DMD: variants seen among roughly 807,000 people sequenced by gnomAD.
DMD encodes the protein mutant dystrophin.
A neutral mutation model predicts 330.1 loss-of-function variants in DMD; 63 were observed. That is an observed-to-expected ratio of 0.19 (90% confidence interval 0.16 to 0.24). DMD has a LOEUF of 0.24. Among genes scored for constraint, DMD ranks in the 10% least tolerant of loss-of-function variants. The pLI, the probability that DMD is intolerant of heterozygous loss-of-function variation, is 1.00. For missense variants in DMD, 3,344 were observed against 2,684.1 expected (o/e 1.25, Z -5.43); for synonymous variants, 1,223 against 959.8 (o/e 1.27, Z -5.07).
In DMD at chrX:31,602,566, A is replaced by G. The variant is rs530379929; in HGVS notation, c.8217+25107T>C. Among the ~76,000 whole-genome samples the G allele has an allele frequency of 2.1e-3, 228 of 111,191 alleles. 10 individuals carry two copies. The South Asian group carries it at 0.085, about 42-fold the overall frequency. ...TGACTGTCACATGGAAGAGCTACCA[A>G]GCAGATAATAAGTTTAGAACTCTTA... On this transcript the variant is annotated intron_variant, in intron 55 of 78. Coordinates refer to ENST00000357033, the MANE Select transcript of DMD (RefSeq NM_004006.3).
At chrX:32,809,456 C>T (rs747811946) in intron 7 of DMD, 37 bp downstream of exon 7, 1 of 1,079,316 alleles carries the variant, frequency 9.3e-7, no homozygotes, top group South Asian at 1.8e-5. Context: ...TAAACTCTAC[C>T]ATACTAAAAG....
At chrX:32,463,696 A>C (rs1367188904) in intron 24 of DMD, 102 bp from the exon 25 acceptor site, 1 of 758,771 alleles carries the variant, frequency 1.3e-6, no homozygotes, top group East Asian at 3.7e-5. Context: ...ATGGCATTGC[A>C]TATGGATTTT....
chrX:31,128,795 A>G (rs1198435296), intron 77 of DMD, among the ~76,000 whole-genome samples: 1 of 111,538 alleles, frequency 9.0e-6, no homozygotes, highest in Non-Finnish European at 1.9e-5. Context: ...GTCCCCACGT[A>G]CTCATTAACA....
chrX:31,761,686 C>G (rs185584487), intron 51 of DMD, among the ~76,000 whole-genome samples: 74 of 112,179 alleles, frequency 6.6e-4, no homozygotes, highest in African/African-American at 2.3e-3. Context: ...ATGAAAGTTA[C>G]TGCTTTCTCT....
intron 44 of DMD, among the ~76,000 whole-genome samples, chrX:32,075,744 C>CA (rs1365474839): frequency 3.9e-3 from 378 of 96,744 alleles, no homozygotes; most frequent in African/African-American, 8.9e-3. Context: ...GATTTCATGC[C>CA]AAAAAAAAAA....
chrX:31,889,679 A>ACACACACG (rs1344825703), intron 47 of DMD, among the ~76,000 whole-genome samples: 3 of 76,687 alleles, frequency 3.9e-5, no homozygotes, highest in African/African-American at 1.7e-4. Context: ...ACACACACAC[A>ACACACACG]CACGCACACC....
intron 11 of DMD, among the ~76,000 whole-genome samples, chrX:32,631,716 A>T (rs1233224113): frequency 1.8e-5 from 2 of 110,922 alleles, no homozygotes; most frequent in South Asian, 3.9e-4. Flanking sequence ...ACTTTTAACC[A>T]ACTGGATCTG....
intron 17 of DMD, among the ~76,000 whole-genome samples, chrX:32,521,952 C>T (rs1569565272): frequency 9.0e-6 from 1 of 110,673 alleles, no homozygotes; most frequent in Non-Finnish European, 1.9e-5. Context: ...TCTTTTCCAC[C>T]GTGTGAGGGC....
chrX:32,928,747 C>A (rs756613385), intron 2 of DMD, among the ~76,000 whole-genome samples: 1 of 111,800 alleles, frequency 8.9e-6, no homozygotes, highest in African/African-American at 3.2e-5. Context: ...TATAAGGAGA[C>A]GTACCAGTTA....
intron 63 of DMD, among the ~76,000 whole-genome samples, chrX:31,252,989 C>CA (rs11368058): frequency 5.2e-4 from 52 of 100,307 alleles, no homozygotes; most frequent in Middle Eastern, 5.1e-3. Flanking sequence ...GACTCCGTCT[C>CA]AAAAAAAAAA....
intron 13 of DMD, among the ~76,000 whole-genome samples, chrX:32,579,225 G>A (rs1196536577): frequency 9.0e-6 from 1 of 111,683 alleles, no homozygotes; most frequent in East Asian, 2.8e-4. Context: ...GGTACAGGGC[G>A]GATAAACCTA....
intron 9 of DMD, among the ~76,000 whole-genome samples, chrX:32,675,158 T>C (rs532502772): frequency 2.4e-4 from 27 of 111,601 alleles, no homozygotes; most frequent in African/African-American, 8.7e-4. Context: ...AATGGAGTCA[T>C]TTTGAATTGG....
chrX:32,397,133 C>A (rs73619062), intron 30 of DMD, among the ~76,000 whole-genome samples: 20 of 110,680 alleles, frequency 1.8e-4, no homozygotes, highest in Admixed American at 4.8e-4. Context: ...ATAGAAGATT[C>A]AATCTGAAGG....
intron 44 of DMD, among the ~76,000 whole-genome samples, chrX:32,050,766 A>T (rs998239126): frequency 1.8e-5 from 2 of 110,961 alleles, no homozygotes; most frequent in African/African-American, 3.3e-5. Context: ...ATCTTTAAAA[A>T]CTTTTGTGTC....
chrX:31,684,297 A>G (rs1288389533), intron 52 of DMD, among the ~76,000 whole-genome samples: 1 of 112,192 alleles, frequency 8.9e-6, no homozygotes, highest in Non-Finnish European at 1.9e-5. Flanking sequence ...AATATGGAAA[A>G]CTTGAGTATG....
At chrX:32,622,820 G>T (rs952034368) in intron 11 of DMD, among the ~76,000 whole-genome samples, 1 of 111,524 alleles carries the variant, frequency 9.0e-6, no homozygotes, top group African/African-American at 3.3e-5. Context: ...CAGCCCACCT[G>T]GTGATTCTGA....
chrX:32,255,817 A>G (rs1025308368), intron 43 of DMD, among the ~76,000 whole-genome samples: 2 of 111,785 alleles, frequency 1.8e-5, no homozygotes, highest in African/African-American at 6.5e-5. Context: ...GCTATATAGA[A>G]AACTCAGATA....
intron 30 of DMD, among the ~76,000 whole-genome samples, chrX:32,400,074 G>C (rs1603632555): frequency 9.0e-6 from 1 of 111,555 alleles, no homozygotes; most frequent in African/African-American, 3.3e-5. Context: ...TGCCCATTCA[G>C]TATGATATTG....
intron 2 of DMD, among the ~76,000 whole-genome samples, chrX:32,956,203 G>T (rs1428780900): frequency 9.0e-6 from 1 of 111,621 alleles, no homozygotes; most frequent in Non-Finnish European, 1.9e-5. Flanking sequence ...GTTCTCTGAA[G>T]AATCTCAATG....
Sources: gnomAD v4.1 joint callset for allele counts (sites outside exome capture counted in the v4.1 genomes callset) on GRCh38, gnomAD v4.1.1 for gene constraint, MANE v1.5 for transcripts, NCBI Gene and HGNC (gene_info 2026-07-23, HGNC 2026-07-21) for gene names.